The following AHRR variants were observed in gnomAD, a reference collection of about 807,000 sequenced individuals.
AHRR encodes the protein aryl hydrocarbon receptor repressor, also known as ahR repressor.
A neutral mutation model predicts 44.0 loss-of-function variants in AHRR; 28 were observed. That is an observed-to-expected ratio of 0.64 (90% CI 0.47 to 0.87). The LOEUF is 0.87. Ranked by LOEUF, AHRR falls within the 40% of genes least tolerant of loss-of-function variation. The probability of loss-of-function intolerance (pLI) is 0.00; values close to 1 mark genes in which losing one functional copy is unlikely to be tolerated. For missense variants in AHRR, 990 were observed against 953.9 expected (o/e 1.04, Z -0.50); for synonymous variants, 434 against 407.0 (o/e 1.07, Z -0.80).
chr5:335,253 A>C (rs1404630247), intron 1 of AHRR, among the ~76,000 whole-genome samples: 1 of 152,180 alleles, frequency 6.6e-6, no homozygotes, highest in Non-Finnish European at 1.5e-5. Context: ...TTGGGCAGCC[A>C]GAGTGGTGTG....
chr5:366,496 G>C (rs1383475838), intron 3 of AHRR, among the ~76,000 whole-genome samples: 1 of 152,146 alleles, frequency 6.6e-6, no homozygotes, highest in Non-Finnish European at 1.5e-5. Context: ...TAAGAAGAGA[G>C]ATGACTATAG....
At chr5:400,060 C>T (rs1456959382) in intron 4 of AHRR, among the ~76,000 whole-genome samples, 3 of 152,056 alleles carry the variant, frequency 2.0e-5, no homozygotes, top group Non-Finnish European at 4.4e-5. Context: ...TGCCCGCTCG[C>T]GTGACTAGCC....
At chr5:367,571 C>G (rs141335343) in intron 3 of AHRR, among the ~76,000 whole-genome samples, 1 of 152,202 alleles carries the variant, frequency 6.6e-6, no homozygotes. Context: ...AGTGATGCCA[C>G]GTGGGCCTTG....
chr5:401,620 G>A (rs573601619), intron 4 of AHRR, among the ~76,000 whole-genome samples: 6 of 152,202 alleles, frequency 3.9e-5, no homozygotes, highest in African/African-American at 7.2e-5. Flanking sequence ...CGGATGCGGC[G>A]GCGAAAGGCA....
intron 3 of AHRR, among the ~76,000 whole-genome samples, chr5:359,788 A>C (rs1411280580): frequency 2.6e-5 from 4 of 152,046 alleles, no homozygotes; most frequent in Non-Finnish European, 5.9e-5. Flanking sequence ...GCTTCACCCC[A>C]CCCTAGGTGG....
rs1377785777 is a variant in AHRR at position 395,097 on chromosome 5, A to C, written c.352-18247A>C. 2.0e-5 allele frequency among the ~76,000 whole-genome samples: 3 copies of C among 152,168 alleles called. No individual in the cohort carries two copies. The highest frequency in any genetic ancestry group is 4.4e-5 in the Non-Finnish European group (3 of 68,022). ...ACCTGTATTTTGACTGTGACCCCAA[A>C]GCCCCTGCCCTGGGCCGTGGCTCCC... On this transcript the variant is annotated intron_variant, in intron 4 of 10. Transcript: ENST00000684583. The surrounding 1 kb of genome is among the most constrained non-coding windows in gnomAD (Gnocchi z 5.3).
intron 4 of AHRR, among the ~76,000 whole-genome samples, chr5:407,349 T>C (rs1321751226): frequency 1.4e-4 from 21 of 152,204 alleles, no homozygotes; most frequent in Non-Finnish European, 1.8e-4. Context: ...CTCGAGATGT[T>C]TTGAAGTTTT....
At chr5:420,879 GCACGCACAGACC>G (rs1489212013) in intron 5 of AHRR, 1 of 348,792 alleles carries the variant, frequency 2.9e-6, no homozygotes, top group Non-Finnish European at 5.5e-6. Flanking sequence ...CACCCACGCA[GCACGCACAGACC>G]CACGCACGCA....
intron 5 of AHRR, chr5:421,229 C>T (rs974920729): frequency 2.9e-6 from 2 of 687,690 alleles, no homozygotes; most frequent in African/African-American, 1.8e-5. Context: ...TCGTCGGCAA[C>T]GCCCACCCCG....
chr5:391,345 G>A (rs1261883773), intron 4 of AHRR, among the ~76,000 whole-genome samples: 4 of 128,546 alleles, frequency 3.1e-5, no homozygotes, highest in East Asian at 2.1e-4. Flanking sequence ...CGAGGCGGGC[G>A]CAGGGCGAGG....
intron 7 of AHRR, among the ~76,000 whole-genome samples, chr5:424,781 A>G (rs984581374): frequency 6.6e-6 from 1 of 152,160 alleles, no homozygotes; most frequent in Non-Finnish European, 1.5e-5. Context: ...TCTTGCAAAC[A>G]GATACTTGGG....
rs1322114042 is a variant in AHRR at position 438,212 on chromosome 5, T to A, written c.*3378T>A. The A allele has an allele frequency of 2.0e-5, 3 of 152,414 alleles. No individual in the cohort carries two copies. The highest frequency in any genetic ancestry group is 7.2e-5 in the African/African-American group (3 of 41,474). The allele number at this position is 152,414 out of a possible 1,614,324, so 9.4% of individuals were successfully genotyped here. A position where few individuals can be genotyped will look rare whatever the true frequency, so the allele number is the denominator to read the frequency against. ...GCCTTTAGGAAGCTTTCAAATTTTT[T>A]TGTACTGTGGTTTGTATTAAATTTG... On this transcript the variant is annotated 3_prime_UTR_variant, in exon 11 of 11. Coordinates refer to ENST00000684583, the MANE Select transcript of AHRR (RefSeq NM_001377236.1).
At chr5:412,993 C>G (rs1295302549) in intron 4 of AHRR, among the ~76,000 whole-genome samples, 1 of 152,068 alleles carries the variant, frequency 6.6e-6, no homozygotes. Flanking sequence ...AAAGGATATC[C>G]CAGACAGTGT....
intron 4 of AHRR, among the ~76,000 whole-genome samples, chr5:381,197 G>A (rs1044198942): frequency 1.3e-5 from 2 of 152,136 alleles, no homozygotes; most frequent in African/African-American, 4.8e-5. Context: ...TCAGTCCACC[G>A]AATCACATGC....
intron 2 of AHRR, among the ~76,000 whole-genome samples, chr5:353,261 A>G (rs1187717774): frequency 6.6e-6 from 1 of 152,156 alleles, no homozygotes; most frequent in Admixed American, 6.5e-5. Flanking sequence ...TGATGCCAGG[A>G]GGACCTTTTC....
At chr5:433,098 T>G in intron 10 of AHRR, 151 bp downstream of exon 10, 6 of 1,022,208 alleles carry the variant, frequency 5.9e-6, no homozygotes, top group Non-Finnish European at 6.9e-6. Context: ...CCTTACTCTC[T>G]GTGGAGCTGT....
At chr5:393,843 G>A (rs1734581067) in intron 4 of AHRR, among the ~76,000 whole-genome samples, 1 of 152,124 alleles carries the variant, frequency 6.6e-6, no homozygotes, top group South Asian at 2.1e-4. Context: ...TCACCATGTT[G>A]GCCAGGCTGG....
chr5:328,342 A>C (rs1366541094), intron 1 of AHRR, among the ~76,000 whole-genome samples: 2 of 129,092 alleles, frequency 1.5e-5, no homozygotes, highest in Admixed American at 1.0e-4. Context: ...ATCTCAGCTC[A>C]CTGCAACCTC....
intron 4 of AHRR, among the ~76,000 whole-genome samples, chr5:379,544 A>G (rs911617718): frequency 9.2e-5 from 14 of 152,190 alleles, no homozygotes; most frequent in Admixed American, 4.6e-4. Flanking sequence ...CCATTTTAAT[A>G]CTGGAATCTT....
Sources: allele counts gnomAD v4.1 joint callset (sites outside exome capture counted in the v4.1 genomes callset), GRCh38; gene constraint gnomAD v4.1.1; non-coding constraint Gnocchi (gnomAD v3.1); transcripts MANE v1.5; gene names NCBI Gene and HGNC (gene_info 2026-07-23, HGNC 2026-07-21).